The following ROBO2 variants were observed in gnomAD, a reference collection of about 807,000 sequenced individuals.
ROBO2 encodes the protein roundabout homolog 2.
In ROBO2, 53 loss-of-function variants were observed where a neutral mutation model predicts 160.8. The observed-to-expected ratio is 0.33, with a 90% CI of 0.26 to 0.41. ROBO2 has a LOEUF of 0.41. ROBO2 is among the 10% of genes least tolerant of loss of function. ROBO2 has a pLI of 1.00. For synonymous variants in ROBO2, 664 were observed against 611.7 expected (o/e 1.09, Z -1.26); for missense variants, 1,577 against 1,722.4 (o/e 0.92, Z 1.49).
chr3:76,522,617 A>G (rs1435894315), intron 2 of ROBO2, among the ~76,000 whole-genome samples: 1 of 152,158 alleles, frequency 6.6e-6, no homozygotes, highest in Non-Finnish European at 1.5e-5. Flanking sequence ...AAAGGAAACT[A>G]TGAGTTCAGA....
At chr3:75,973,732 A>C (rs746005490) in intron 2 of ROBO2, among the ~76,000 whole-genome samples, 1 of 151,674 alleles carries the variant, frequency 6.6e-6, no homozygotes, top group Admixed American at 6.6e-5. Flanking sequence ...ACAGCAGGCC[A>C]TGGAAATGAA....
At chr3:76,099,201 C>A (rs2069581077) in intron 2 of ROBO2, among the ~76,000 whole-genome samples, 1 of 151,928 alleles carries the variant, frequency 6.6e-6, no homozygotes, top group African/African-American at 2.4e-5. Flanking sequence ...TTAGCCGTTC[C>A]TTTTCTCCTC....
intron 2 of ROBO2, among the ~76,000 whole-genome samples, chr3:76,695,891 C>T (rs2597250): frequency 0.31 from 46,455 of 152,008 alleles, 8,531 homozygotes; most frequent in East Asian, 0.54. Context: ...TATGGATATC[C>T]AGGCAGTAGT....
chr3:76,915,964 T>G (rs540830714), intron 2 of ROBO2, among the ~76,000 whole-genome samples: 1 of 152,214 alleles, frequency 6.6e-6, no homozygotes, highest in East Asian at 1.9e-4. Context: ...GAAAGCAAGC[T>G]CATATGCCTC....
intron 2 of ROBO2, among the ~76,000 whole-genome samples, chr3:76,875,283 G>C (rs2072585500): frequency 6.6e-6 from 1 of 152,162 alleles, no homozygotes; most frequent in African/African-American, 2.4e-5. Flanking sequence ...CCAGCCCCCA[G>C]AACTGTGAGA....
intron 1 of ROBO2, among the ~76,000 whole-genome samples, chr3:77,087,711 T>C (rs972774049): frequency 2.6e-5 from 4 of 151,252 alleles, no homozygotes; most frequent in South Asian, 4.2e-4. Flanking sequence ...TATACACACA[T>C]ATATACATGT....
At chr3:77,577,737 A>T in intron 15 of ROBO2, 123 bp downstream of exon 16, 1 of 1,213,088 alleles carries the variant, frequency 8.2e-7, no homozygotes, top group Admixed American at 1.9e-5. Flanking sequence ...GTTTTTATTT[A>T]TATTTCTGTG....
intron 2 of ROBO2, among the ~76,000 whole-genome samples, chr3:77,442,395 A>G (rs963373834): frequency 6.6e-6 from 1 of 152,126 alleles, no homozygotes; most frequent in Admixed American, 6.5e-5. Context: ...GAGTATGGTC[A>G]TTCTGTAAAA....
At chr3:76,033,128 A>G (rs2066984263) in intron 2 of ROBO2, among the ~76,000 whole-genome samples, 1 of 151,720 alleles carries the variant, frequency 6.6e-6, no homozygotes, top group Admixed American at 6.6e-5. Context: ...GAGAAATGTT[A>G]TTGTTGTTTT....
chr3:76,959,534 A>T (rs989300364), intron 2 of ROBO2, among the ~76,000 whole-genome samples: 9 of 152,192 alleles, frequency 5.9e-5, no homozygotes, highest in African/African-American at 2.2e-4. Flanking sequence ...GAGCAAATAC[A>T]GTGTTCAAAG....
At chr3:77,265,971 A>T (rs1184273079) in intron 2 of ROBO2, among the ~76,000 whole-genome samples, 1 of 152,136 alleles carries the variant, frequency 6.6e-6, no homozygotes, top group East Asian at 1.9e-4. Flanking sequence ...ATGGATGTGC[A>T]TCTCTTAATT....
chr3:77,047,730 A>T (rs1194101303), intron 1 of ROBO2, among the ~76,000 whole-genome samples: 2 of 148,002 alleles, frequency 1.4e-5, no homozygotes, highest in East Asian at 3.9e-4. Flanking sequence ...AAATATATAT[A>T]TAAAATAAAG....
At chr3:76,691,041 A>G (rs899444617) in intron 2 of ROBO2, among the ~76,000 whole-genome samples, 6 of 152,082 alleles carry the variant, frequency 3.9e-5, no homozygotes, top group Admixed American at 6.6e-5. Context: ...ACAACATAGC[A>G]AAGAGTTCTG....
At position 76,584,100 on chromosome 3, in the gene ROBO2, A is replaced by C. The variant is rs981994002; in HGVS notation, c.110-513914A>C. On this transcript the variant is annotated intron_variant, in intron 2 of 26. Transcript: ENST00000487694. The stretch of plus-strand genomic sequence containing the variant: ...CACCTGTTTACTCAAACCTTTGCCT[A>C]CCCTGGCTTCCTCTCGCTCTAATCT... 3.9e-5 allele frequency among the ~76,000 whole-genome samples: 6 copies of C among 152,116 alleles called. No individual in the cohort carries two copies. In the South Asian group the frequency reaches 1.2e-3, roughly 32 times the overall value.
intron 2 of ROBO2, among the ~76,000 whole-genome samples, chr3:76,986,419 AT>A (rs1160760794): frequency 4.6e-5 from 7 of 152,044 alleles, no homozygotes; most frequent in African/African-American, 1.7e-4. Context: ...TTCACCAAAA[AT>A]ATATATATTT....
chr3:76,472,302 T>C (rs928759566), intron 2 of ROBO2, among the ~76,000 whole-genome samples: 4 of 152,292 alleles, frequency 2.6e-5, no homozygotes, highest in East Asian at 1.9e-4. Flanking sequence ...TTGTTGTTTT[T>C]AAAATTCAAT....
intron 2 of ROBO2, among the ~76,000 whole-genome samples, chr3:76,134,616 T>G (rs2071357299): frequency 6.6e-6 from 1 of 151,960 alleles, no homozygotes; most frequent in Admixed American, 6.6e-5. Flanking sequence ...GGCCTGAGCT[T>G]GGAAAAAGAT....
intron 1 of ROBO2, among the ~76,000 whole-genome samples, chr3:75,922,097 T>C (rs6769300): frequency 0.88 from 133,895 of 152,074 alleles, 59,025 homozygotes; most frequent in East Asian, 0.93. Flanking sequence ...TGTTACATAA[T>C]CTCAATAAAC....
chr3:77,512,015 CTG>C (rs1357114496), intron 5 of ROBO2, among the ~76,000 whole-genome samples: 1 of 151,954 alleles, frequency 6.6e-6, no homozygotes, highest in African/African-American at 2.4e-5. Context: ...CTCACCCAAA[CTG>C]TGAACATTAG....
Sources: gnomAD v4.1 joint callset for allele counts (sites outside exome capture counted in the v4.1 genomes callset) on GRCh38, gnomAD v4.1.1 for gene constraint, MANE v1.5 for transcripts, NCBI Gene and HGNC (gene_info 2026-07-23, HGNC 2026-07-21) for gene names.